ITPR1: variants seen among roughly 807,000 people sequenced by gnomAD.
ITPR1 encodes inositol 1,4,5-trisphosphate-gated calcium channel ITPR1.
In ITPR1, 96 loss-of-function variants were observed where a neutral mutation model predicts 318.4. That is an observed-to-expected ratio of 0.30 (90% CI 0.26 to 0.36). The LOEUF is 0.36. ITPR1 is among the 10% of genes least tolerant of loss of function. The probability of loss-of-function intolerance (pLI) is 1.00; values close to 1 mark genes in which losing one functional copy is unlikely to be tolerated. For synonymous variants in ITPR1, 1,312 were observed against 1,289.9 expected (o/e 1.02, Z -0.37); for missense variants, 2,440 against 3,460.2 (o/e 0.71, Z 7.40).
chr3:4,609,001 TAAAAAAAAA>T lies in ITPR1; in HGVS notation c.164-18746_164-18738del, dbSNP rs56738231. Among the ~76,000 whole-genome samples, 7 of 53,426 alleles carry T rather than the reference TAAAAAAAAA, an allele frequency of 1.3e-4. 1 individual carries two copies. In the Admixed American group the frequency reaches 1.8e-3, roughly 14 times the overall value. The allele number at this position is 53,426 out of a possible 152,430, so 35.0% of individuals were successfully genotyped here. On this transcript the variant is annotated intron_variant, in intron 4 of 61. Coordinates refer to ENST00000649015, the MANE Select transcript of ITPR1 (RefSeq NM_001378452.1). ...GGATAACAGAGTGAGACTCCGTCTT[TAAAAAAAAA>T]AAAAAAAAAAAAAAACAAAAGAAAA...
At chr3:4,666,356 G>C (rs1460646426) in intron 17 of ITPR1, among the ~76,000 whole-genome samples, 2 of 152,140 alleles carry the variant, frequency 1.3e-5, no homozygotes, top group African/African-American at 4.8e-5. Flanking sequence ...TCCACCTTCA[G>C]TGCGTTGATA....
In ITPR1 at chr3:4,766,566, T is replaced by G. The variant is rs1483080007; in HGVS notation, c.5581T>G (p.Ser1861Ala). The G allele has an allele frequency of 6.2e-7, 1 of 1,613,774 alleles. No individual in the cohort carries two copies. The highest frequency in any genetic ancestry group is 8.5e-7 in the Non-Finnish European group (1 of 1,179,720). Residue 1861 changes from serine (S) to alanine (A), a missense_variant, in exon 45 of 62, where the codon TCA becomes GCA. Physicochemically the swap from Ser to Ala is moderately conservative, Grantham distance 99 (BLOSUM62 1). This residue lies in a region of ITPR1 where 80 missense variants were observed against 122.0 expected (regional missense o/e 0.66). Transcript: ENST00000649015. ...FFCRLTEDKK[S>A]EKFFKVFYDR... ...CTGTCGCTTGACAGAAGATAAGAAG[T>G]CAGAGAAATTCTTTAAGGTGTTTTA...
At chr3:4,610,584 G>T (rs77430173) in intron 4 of ITPR1, among the ~76,000 whole-genome samples, 1 of 151,984 alleles carries the variant, frequency 6.6e-6, no homozygotes, top group Non-Finnish European at 1.5e-5. Context: ...TTTTTAAATA[G>T]CCAGCGGAAT....
At chr3:4,526,472 A>G (rs1248645522) in intron 4 of ITPR1, among the ~76,000 whole-genome samples, 2 of 152,236 alleles carry the variant, frequency 1.3e-5, no homozygotes, top group Non-Finnish European at 2.9e-5. Flanking sequence ...CTGAGGCCCT[A>G]CTGTGTACCA....
chr3:4,724,696 G>T (rs559864959), intron 40 of ITPR1, among the ~76,000 whole-genome samples: 1 of 152,320 alleles, frequency 6.6e-6, no homozygotes, highest in Non-Finnish European at 1.5e-5. Context: ...GGCACTGTCT[G>T]CAGATGGAGC....
At chr3:4,813,654 G>A (rs1053735964) in intron 57 of ITPR1, among the ~76,000 whole-genome samples, 1 of 152,100 alleles carries the variant, frequency 6.6e-6, no homozygotes, top group African/African-American at 2.4e-5. Context: ...GATATTCCAA[G>A]GAGAGGGAAT....
At chr3:4,730,623 C>T (rs2042862146) in intron 42 of ITPR1, among the ~76,000 whole-genome samples, 1 of 152,072 alleles carries the variant, frequency 6.6e-6, no homozygotes, top group Non-Finnish European at 1.5e-5. Context: ...GTGCTCCTTT[C>T]ATTACCTCCT....
intron 5 of ITPR1, among the ~76,000 whole-genome samples, chr3:4,637,646 T>G (rs991568657): frequency 2.0e-5 from 3 of 152,218 alleles, no homozygotes; most frequent in African/African-American, 7.2e-5. Context: ...GGCTGTTGTT[T>G]TAAAGAGCTG....
At chr3:4,706,904 A>G (rs887090608) in intron 37 of ITPR1, among the ~76,000 whole-genome samples, 11 of 152,230 alleles carry the variant, frequency 7.2e-5, no homozygotes, top group Non-Finnish European at 1.3e-4. Flanking sequence ...GCATCTTAAC[A>G]TTAACGTATT....
chr3:4,535,015 G>A (rs1204490727), intron 4 of ITPR1, among the ~76,000 whole-genome samples: 1 of 152,114 alleles, frequency 6.6e-6, no homozygotes, highest in Non-Finnish European at 1.5e-5. Context: ...CAGTTAGAAA[G>A]AACCAGCTAA....
chr3:4,506,114 C>T (rs2081376845), intron 2 of ITPR1, among the ~76,000 whole-genome samples: 1 of 152,128 alleles, frequency 6.6e-6, no homozygotes, highest in Non-Finnish European at 1.5e-5. Flanking sequence ...CCTCATTATC[C>T]CCATTCTGCA....
At chr3:4,747,361 A>T (rs1343082132) in intron 44 of ITPR1, among the ~76,000 whole-genome samples, 1 of 152,178 alleles carries the variant, frequency 6.6e-6, no homozygotes, top group Non-Finnish European at 1.5e-5. Flanking sequence ...GCCAGCTGGT[A>T]GTTGTTCCAG....
intron 4 of ITPR1, among the ~76,000 whole-genome samples, chr3:4,565,316 A>G (rs551785645): frequency 1.4e-4 from 21 of 152,294 alleles, no homozygotes; most frequent in Admixed American, 1.4e-3. Context: ...CTAGCACTGG[A>G]GCCTGCCCTA....
At chr3:4,553,813 A>G (rs969118068) in intron 4 of ITPR1, among the ~76,000 whole-genome samples, 1 of 148,266 alleles carries the variant, frequency 6.7e-6, no homozygotes, top group Non-Finnish European at 1.5e-5. Context: ...GTTGGCCAGG[A>G]TGGTCTCGAA....
chr3:4,623,366 T>C (rs1320895960), intron 4 of ITPR1, among the ~76,000 whole-genome samples: 1 of 152,248 alleles, frequency 6.6e-6, no homozygotes, highest in Non-Finnish European at 1.5e-5. Flanking sequence ...GCTCTAACTT[T>C]GGAATATTCC....
At chr3:4,843,358 A>G (rs1458735395) in intron 61 of ITPR1, among the ~76,000 whole-genome samples, 1 of 152,168 alleles carries the variant, frequency 6.6e-6, no homozygotes, top group East Asian at 1.9e-4. Context: ...TTTTTTAAAA[A>G]AAGTGTTCAA....
At chr3:4,745,634 A>G (rs2125336372) in intron 44 of ITPR1, among the ~76,000 whole-genome samples, 1 of 152,124 alleles carries the variant, frequency 6.6e-6, no homozygotes, top group East Asian at 1.9e-4. Context: ...TTTTCTACCG[A>G]TCCCCTTGGG....
chr3:4,603,855 C>T (rs765288910), intron 4 of ITPR1, among the ~76,000 whole-genome samples: 7 of 152,114 alleles, frequency 4.6e-5, no homozygotes, highest in African/African-American at 1.2e-4. Flanking sequence ...TTGGGTAATA[C>T]GCAGTAATGG....
chr3:4,748,513 C>A (rs2044268376), intron 44 of ITPR1, among the ~76,000 whole-genome samples: 1 of 151,956 alleles, frequency 6.6e-6, no homozygotes, highest in South Asian at 2.1e-4. Flanking sequence ...TGGGTAGCTT[C>A]CTCACAATTG....
Sources: allele counts gnomAD v4.1 joint callset (sites outside exome capture counted in the v4.1 genomes callset), GRCh38; gene constraint gnomAD v4.1.1; regional missense constraint gnomAD v4.1.1; transcripts MANE v1.5; gene names NCBI Gene and HGNC (gene_info 2026-07-23, HGNC 2026-07-21).